RNF125: variants seen among roughly 807,000 people sequenced by gnomAD.
RNF125 encodes the protein ring finger protein 125.
In RNF125, 21 loss-of-function variants were observed where a neutral mutation model predicts 26.0. The observed-to-expected ratio is 0.81, with a 90% confidence interval of 0.57 to 1.16. The LOEUF (loss-of-function observed/expected upper bound fraction) is 1.16, where lower values mean the gene tolerates loss of function less well. Among genes scored for constraint, RNF125 ranks in the 50% most tolerant of loss-of-function variants. The probability of loss-of-function intolerance (pLI) is 0.00; values close to 1 mark genes in which losing one functional copy is unlikely to be tolerated. For synonymous variants in RNF125, 95 were observed against 109.2 expected, an observed-to-expected ratio of 0.87 and a Z score of 0.81; for missense variants, 270 against 299.4, an observed-to-expected ratio of 0.90 and a Z score of 0.72.
chr18:32,064,121 A>G (rs892004002), intron 4 of RNF125, among the ~76,000 whole-genome samples: 4 of 151,804 alleles, frequency 2.6e-5, no homozygotes, highest in Non-Finnish European at 4.4e-5. Context: ...CAGCCTCTGG[A>G]GTAGCCAGGA....
intron 4 of RNF125, among the ~76,000 whole-genome samples, chr18:32,056,201 A>G (rs909214015): frequency 2.0e-5 from 3 of 152,028 alleles, no homozygotes; most frequent in Non-Finnish European, 4.4e-5. Flanking sequence ...AGGAAGAAGG[A>G]GAGATTTCGT....
intron 4 of RNF125, among the ~76,000 whole-genome samples, chr18:32,049,871 G>A (rs2039306862): frequency 6.6e-6 from 1 of 152,050 alleles, no homozygotes; most frequent in South Asian, 2.1e-4. Flanking sequence ...AAAAGGCAGG[G>A]GACAGATATG....
At chr18:32,038,452 CCTT>C (rs1217425841) in intron 2 of RNF125, among the ~76,000 whole-genome samples, 5 of 152,174 alleles carry the variant, frequency 3.3e-5, no homozygotes, top group African/African-American at 1.2e-4. Flanking sequence ...CTCCATTTTC[CCTT>C]CTTCCCATTA....
chr18:32,041,932 A>G (rs941869467), intron 2 of RNF125: 23 of 411,204 alleles, frequency 5.6e-5, no homozygotes, highest in African/African-American at 3.3e-4. Flanking sequence ...GCCCGGCCGT[A>G]TATGCTTTTT....
At chr18:32,084,354 CCAAACAAA>C in the RNF125 span, among the ~76,000 whole-genome samples, 7 of 151,956 alleles carry the variant, frequency 4.6e-5, no homozygotes, top group South Asian at 2.1e-4. Flanking sequence ...GACTATGTCT[CCAAACAAA>C]CAAACAAACA....
At chr18:32,067,429 A>T (rs533026513) in intron 5 of RNF125, among the ~76,000 whole-genome samples, 4 of 152,352 alleles carry the variant, frequency 2.6e-5, no homozygotes, top group African/African-American at 9.6e-5. Flanking sequence ...TCACAGCCAT[A>T]TTCTTGGGTA....
downstream of RNF125, chr18:32,076,263 T>C: frequency 2.5e-6 from 1 of 401,112 alleles, no homozygotes. Context: ...AGGACATTTA[T>C]GCGCACCATT....
At chr18:32,079,634 G>A in the RNF125 span, among the ~76,000 whole-genome samples, 1 of 152,200 alleles carries the variant, frequency 6.6e-6, no homozygotes, top group Admixed American at 6.5e-5. Flanking sequence ...AAATAAGTTA[G>A]TGAATAAATT....
intron 3 of RNF125, among the ~76,000 whole-genome samples, chr18:32,043,673 T>C (rs1284956220): frequency 1.3e-5 from 2 of 152,162 alleles, no homozygotes; most frequent in Admixed American, 1.3e-4. Context: ...TTTAAAAATA[T>C]ATGAAAGCTA....
the RNF125 span, among the ~76,000 whole-genome samples, chr18:32,085,473 G>A: frequency 6.6e-6 from 1 of 151,608 alleles, no homozygotes; most frequent in South Asian, 2.1e-4. Context: ...GCCAAGGTGG[G>A]AGGATCACCT....
Position 32,037,123 on chromosome 18 carries a change from C to T in RNF125, c.172C>T (p.Arg58Cys), listed in dbSNP as rs1277973408. Residue 58 changes from arginine to cysteine, a missense_variant, in exon 2 of 6, where the codon CGT becomes TGT. By Grantham distance (180) the Arg-to-Cys change is radical. Coordinates refer to ENST00000217740, the MANE Select transcript of RNF125 (RefSeq NM_017831.4). ...TTGGTCTGTTTGGGGTAGATTCTGCCGTTCCTGTATTGCTACCAGTCTAAA... is the reference window on the plus strand; with the variant it reads ...TTGGTCTGTTTGGGGTAGATTCTGCTGTTCCTGTATTGCTACCAGTCTAAA... ...VRTRCGHVFCRSCIATSLKNN... is the reference protein window; with the variant it reads ...VRTRCGHVFCCSCIATSLKNN... 8 of 1,601,714 alleles carry T rather than the reference C, an allele frequency of 5.0e-6. No individual in the cohort carries two copies. Among genetic ancestry groups the T allele is most frequent in the Non-Finnish European group, 6.0e-6 (7 of 1,175,452 alleles).
At chr18:32,079,152 A>G in the RNF125 span, among the ~76,000 whole-genome samples, 9 of 152,218 alleles carry the variant, frequency 5.9e-5, no homozygotes, top group Non-Finnish European at 1.0e-4. Flanking sequence ...ATAAAAAAAT[A>G]CCATAGACTG....
chr18:32,085,373 C>CAGAGAGAGAGAGAGAGAGAGAGAGAG, the RNF125 span, among the ~76,000 whole-genome samples: 1 of 128,724 alleles, frequency 7.8e-6, no homozygotes, highest in African/African-American at 3.1e-5. Flanking sequence ...CTGCCAGAAG[C>CAGAGAGAGAGAGAGAGAGAGAGAGAG]AGAGAGAGAG....
chr18:32,075,678 A>G (rs2039565186), downstream of RNF125, among the ~76,000 whole-genome samples: 1 of 130,298 alleles, frequency 7.7e-6, no homozygotes, highest in South Asian at 2.5e-4. Flanking sequence ...GGGCAACAAG[A>G]GCTAAACTCC....
chr18:32,061,243 G>C lies in RNF125; in HGVS notation c.505-4659G>C, dbSNP rs536869058. 4.4e-3 allele frequency among the ~76,000 whole-genome samples: 675 copies of C among 152,162 alleles called. 2 individuals are homozygous for C. The highest frequency in any genetic ancestry group is 6.9e-3 in the Non-Finnish European group (467 of 68,010). The stretch of plus-strand genomic sequence containing the variant: ...GTTTCACCGTGTTAGCCAGGATGGT[G>C]TCGATCTCCTGACCTCATGATCCGC... On this transcript the variant is annotated intron_variant, in intron 4 of 5. Coordinates refer to ENST00000217740, the MANE Select transcript of RNF125 (RefSeq NM_017831.4).
intron 1 of RNF125, among the ~76,000 whole-genome samples, chr18:32,029,258 C>T (rs2039069096): frequency 6.6e-6 from 1 of 152,220 alleles, no homozygotes; most frequent in African/African-American, 2.4e-5. Flanking sequence ...AGCCTTCTCA[C>T]TTCTGCCTTA....
At chr18:32,037,363 C>CA in intron 2 of RNF125, 94 bp downstream of exon 2, 1 of 314,366 alleles carries the variant, frequency 3.2e-6, no homozygotes, top group Non-Finnish European at 5.3e-6. Flanking sequence ...ATGGTACGCA[C>CA]CTTTTTTTTT....
downstream of RNF125, among the ~76,000 whole-genome samples, chr18:32,075,004 ACAGTATTTTCT>A (rs1414139555): frequency 6.6e-6 from 1 of 152,212 alleles, no homozygotes; most frequent in Non-Finnish European, 1.5e-5. Flanking sequence ...GTCCCTTACA[ACAGTATTTTCT>A]CAGTGTACTC....
chr18:32,042,928 C>A lies in RNF125; in HGVS notation c.413+655C>A, dbSNP rs190214317. Among the ~76,000 whole-genome samples, 278 of 151,822 alleles carry A rather than the reference C, an allele frequency of 1.8e-3. 5 individuals are homozygous for A. The South Asian group carries it at 0.035, about 19-fold the overall frequency. ...CTTTGGGAGGCTGAGACGGGCAGAT[C>A]ACTTGAGGTCAGGAGTTCAAGACCA... On this transcript the variant is annotated intron_variant, in intron 3 of 5. Coordinates refer to ENST00000217740, the MANE Select transcript of RNF125 (RefSeq NM_017831.4).
Sources: gnomAD v4.1 joint callset for allele counts (sites outside exome capture counted in the v4.1 genomes callset) on GRCh38, gnomAD v4.1.1 for gene constraint, MANE v1.5 for transcripts, NCBI Gene and HGNC (gene_info 2026-07-23, HGNC 2026-07-21) for gene names.